IL1RAPL2: variants seen among roughly 807,000 people sequenced by gnomAD.
IL1RAPL2 encodes interleukin 1 receptor accessory protein like 2, also known as X-linked interleukin-1 receptor accessory protein-like 2.
IL1RAPL2 carries 3 observed loss-of-function variants against 44.1 expected under a neutral mutation model. The ratio of observed to expected loss-of-function variants is 0.07; its 90% CI spans 0.03 to 0.18. IL1RAPL2 has a LOEUF of 0.18. IL1RAPL2 is among the 10% of genes least tolerant of loss of function. The probability of loss-of-function intolerance (pLI) is 1.00; values close to 1 mark genes in which losing one functional copy is unlikely to be tolerated. For synonymous variants in IL1RAPL2, 181 were observed against 178.8 expected (o/e 1.01, Z -0.10); for missense variants, 391 against 496.4 (o/e 0.79, Z 2.02).
At chrX:104,609,084 C>T (rs964569912) in intron 1 of IL1RAPL2, among the ~76,000 whole-genome samples, 2 of 109,538 alleles carry the variant, frequency 1.8e-5, no homozygotes, top group Non-Finnish European at 1.9e-5. Flanking sequence ...TTGTCTGTAA[C>T]GGATTTTATT....
At chrX:104,903,600 C>T (rs999171083) in intron 2 of IL1RAPL2, among the ~76,000 whole-genome samples, 5 of 110,909 alleles carry the variant, frequency 4.5e-5, no homozygotes, top group Non-Finnish European at 9.4e-5. Flanking sequence ...TTTTTGGAGA[C>T]AGAGTCTGAC....
chrX:105,537,936 C>T (rs930385968), intron 6 of IL1RAPL2, among the ~76,000 whole-genome samples: 6 of 110,079 alleles, frequency 5.5e-5, no homozygotes, highest in Admixed American at 9.7e-5. Flanking sequence ...AAAGGAAAAC[C>T]CTTCATCTAC....
chrX:104,891,346 G>T (rs751995025), intron 2 of IL1RAPL2, among the ~76,000 whole-genome samples: 1 of 112,004 alleles, frequency 8.9e-6, no homozygotes, highest in Non-Finnish European at 1.9e-5. Flanking sequence ...AAAGTCATTG[G>T]TAGTTTGATG....
chrX:105,474,393 A>G (rs1431807994), intron 5 of IL1RAPL2, among the ~76,000 whole-genome samples: 1 of 111,894 alleles, frequency 8.9e-6, no homozygotes, highest in Admixed American at 9.5e-5. Flanking sequence ...ATAATAGTAA[A>G]TATGTTGTTT....
chrX:104,613,407 G>T (rs1255441780), intron 1 of IL1RAPL2, among the ~76,000 whole-genome samples: 1 of 111,719 alleles, frequency 9.0e-6, no homozygotes, highest in Non-Finnish European at 1.9e-5. Context: ...AACTTTTTCT[G>T]TGTTTATTGA....
intron 2 of IL1RAPL2, among the ~76,000 whole-genome samples, chrX:105,063,073 T>A (rs1260710110): frequency 9.0e-6 from 1 of 111,313 alleles, no homozygotes; most frequent in Non-Finnish European, 1.9e-5. Context: ...CTCTTAGATT[T>A]GATCTTTTGA....
intron 2 of IL1RAPL2, among the ~76,000 whole-genome samples, chrX:104,981,654 T>C (rs1300275075): frequency 9.0e-6 from 1 of 111,028 alleles, no homozygotes; most frequent in African/African-American, 3.3e-5. Flanking sequence ...TTTCTTCTTC[T>C]GATTCTCAAG....
chrX:105,459,387 CCTT>C (rs750957802), intron 5 of IL1RAPL2, among the ~76,000 whole-genome samples: 1 of 111,074 alleles, frequency 9.0e-6, no homozygotes, highest in South Asian at 3.7e-4. Flanking sequence ...TGACTGTAAA[CCTT>C]CTGTCTGTGT....
chrX:104,934,531 G>A (rs1924983590), intron 2 of IL1RAPL2, among the ~76,000 whole-genome samples: 1 of 111,114 alleles, frequency 9.0e-6, no homozygotes, highest in Admixed American at 9.6e-5. Flanking sequence ...ATCTCAGAAA[G>A]CAGTGAAAAA....
At chrX:105,144,158 T>C (rs2033157609) in intron 2 of IL1RAPL2, among the ~76,000 whole-genome samples, 1 of 100,207 alleles carries the variant, frequency 1.0e-5, no homozygotes, top group Admixed American at 1.1e-4. Context: ...GGTAAATTCA[T>C]TGTCTTTCCT....
intron 2 of IL1RAPL2, among the ~76,000 whole-genome samples, chrX:105,158,393 A>G (rs944806723): frequency 1.8e-5 from 2 of 112,026 alleles, no homozygotes; most frequent in Admixed American, 1.9e-4. Context: ...AAGGACCTCA[A>G]TAATGCATCT....
chrX:104,571,401 G>T (rs942640604), intron 1 of IL1RAPL2, among the ~76,000 whole-genome samples: 1 of 111,742 alleles, frequency 8.9e-6, no homozygotes, highest in Admixed American at 9.5e-5. Flanking sequence ...TGGTTTGGCT[G>T]CGTCCCCACC....
At chrX:104,676,594 C>G (rs1301881029) in intron 2 of IL1RAPL2, among the ~76,000 whole-genome samples, 2 of 111,142 alleles carry the variant, frequency 1.8e-5, no homozygotes, top group African/African-American at 6.6e-5. Context: ...TTTATCTTCT[C>G]GAGGAGTATC....
chrX:104,964,557 C>T lies in IL1RAPL2; in HGVS notation c.83-230918C>T, dbSNP rs184985583. Among the ~76,000 whole-genome samples the T allele has an allele frequency of 3.4e-3, 375 of 109,937 alleles. 1 individual carries two copies. Among genetic ancestry groups the T allele is most frequent in the African/African-American group, 0.012 (360 of 30,182 alleles). On this transcript the variant is annotated intron_variant, in intron 2 of 10. Coordinates refer to ENST00000372582, the MANE Select transcript of IL1RAPL2 (RefSeq NM_017416.2). ...CGATCTCCTGACCTTGTGATCCACC[C>T]GCCTCAGCCTCCCAAAGTGCTGGGA...
intron 2 of IL1RAPL2, among the ~76,000 whole-genome samples, chrX:105,195,058 G>A (rs908793845): frequency 3.6e-5 from 4 of 110,193 alleles, no homozygotes. Flanking sequence ...AACAATTCGA[G>A]TCACCTAAAA....
chrX:105,176,359 G>A (rs909145111), intron 2 of IL1RAPL2, among the ~76,000 whole-genome samples: 10 of 111,251 alleles, frequency 9.0e-5, no homozygotes, highest in Non-Finnish European at 1.9e-4. Context: ...TACTCAGGAA[G>A]TATGCTATAT....
intron 10 of IL1RAPL2, among the ~76,000 whole-genome samples, chrX:105,757,253 C>G (rs915871817): frequency 8.9e-6 from 1 of 111,804 alleles, no homozygotes; most frequent in African/African-American, 3.3e-5. Flanking sequence ...TCCTACTTAT[C>G]CTTCTCCATA....
intron 6 of IL1RAPL2, among the ~76,000 whole-genome samples, chrX:105,670,198 G>A (rs1163788696): frequency 3.3e-5 from 2 of 60,638 alleles, no homozygotes; most frequent in African/African-American, 8.7e-5. Flanking sequence ...AATAAATCTT[G>A]AAATCAAATG....
chrX:104,822,802 T>C (rs922398931), intron 2 of IL1RAPL2, among the ~76,000 whole-genome samples: 4 of 111,553 alleles, frequency 3.6e-5, no homozygotes, highest in African/African-American at 1.3e-4. Flanking sequence ...AGAAAGTCAG[T>C]GTTAGCTTGA....
Sources: allele counts gnomAD v4.1 joint callset (sites outside exome capture counted in the v4.1 genomes callset), GRCh38; gene constraint gnomAD v4.1.1; transcripts MANE v1.5; gene names NCBI Gene and HGNC (gene_info 2026-07-23, HGNC 2026-07-21).